The following PARP4 variants were observed in gnomAD, a reference collection of about 807,000 sequenced individuals.
PARP4 encodes the protein protein mono-ADP-ribosyltransferase PARP4.
PARP4 carries 120 observed loss-of-function variants against 187.7 expected under a neutral mutation model. That is an observed-to-expected ratio of 0.64 (90% CI 0.55 to 0.74). The LOEUF (loss-of-function observed/expected upper bound fraction) is 0.74. Ranked by LOEUF, PARP4 falls within the 30% of genes least tolerant of loss-of-function variation. The pLI is 0.00. For synonymous variants in PARP4, 654 were observed against 740.9 expected, an observed-to-expected ratio of 0.88 and a Z score of 1.90; for missense variants, 1,836 against 2,070.5, an observed-to-expected ratio of 0.89 and a Z score of 2.20.
At chr13:24,465,598 C>A (rs2137492161) in intron 17 of PARP4, among the ~76,000 whole-genome samples, 1 of 152,196 alleles carries the variant, frequency 6.6e-6, no homozygotes, top group East Asian at 1.9e-4. Flanking sequence ...GGGAGGGAAA[C>A]AACATACACT....
intron 2 of PARP4, among the ~76,000 whole-genome samples, chr13:24,502,391 A>G (rs1242085071): frequency 6.6e-6 from 1 of 152,244 alleles, no homozygotes; most frequent in African/African-American, 2.4e-5. Flanking sequence ...TCTAAAAAAT[A>G]AAATAATGAC....
chr13:24,469,272 G>A (rs551021056), intron 16 of PARP4, among the ~76,000 whole-genome samples, 162 bp from the exon 17 acceptor site: 2 of 152,272 alleles, frequency 1.3e-5, no homozygotes, highest in Admixed American at 1.3e-4. Flanking sequence ...ATACTTATCT[G>A]ATAAGAACTT....
At chr13:24,462,047 A>G (rs1170773111) in intron 17 of PARP4, among the ~76,000 whole-genome samples, 2 of 152,176 alleles carry the variant, frequency 1.3e-5, no homozygotes, top group Non-Finnish European at 1.5e-5. Context: ...CCACTAAGAT[A>G]GGACAATGAA....
intron 10 of PARP4, 99 bp downstream of exon 10, chr13:24,490,569 G>T: frequency 1.1e-6 from 1 of 936,944 alleles, no homozygotes; most frequent in Non-Finnish European, 1.7e-6. Context: ...GTGGCTTGTT[G>T]CTGAAGATTA....
intron 32 of PARP4, among the ~76,000 whole-genome samples, chr13:24,430,455 C>T (rs1283341621): frequency 6.6e-6 from 1 of 152,008 alleles, no homozygotes; most frequent in Admixed American, 6.6e-5. Flanking sequence ...AAGTTCGAGA[C>T]CACACTGGAC....
At chr13:24,443,557 G>A (rs759364589) in intron 28 of PARP4, 93 bp downstream of exon 28, 75 of 850,652 alleles carry the variant, frequency 8.8e-5, no homozygotes, top group Non-Finnish European at 1.4e-4. Flanking sequence ...CCTTCTCCAC[G>A]CAGCTGACCT....
intron 12 of PARP4, among the ~76,000 whole-genome samples, chr13:24,482,055 C>G (rs142765408): frequency 8.9e-4 from 135 of 152,316 alleles, no homozygotes; most frequent in Non-Finnish European, 1.5e-3. Context: ...AAGAAGTTTA[C>G]TCTAACTATC....
At chr13:24,464,323 A>G (rs1872349225) in intron 17 of PARP4, among the ~76,000 whole-genome samples, 2 of 152,200 alleles carry the variant, frequency 1.3e-5, no homozygotes, top group Non-Finnish European at 2.9e-5. Flanking sequence ...GAACCAAAAA[A>G]GAGCCTGTAG....
chr13:24,486,224 A>G lies in PARP4; in HGVS notation c.1296T>C (p.Asn432=), dbSNP rs7998860. Residue 432 remains asparagine (N), a synonymous_variant, in exon 11 of 34, where the codon AAT becomes AAC. Coordinates refer to ENST00000381989, the MANE Select transcript of PARP4 (RefSeq NM_006437.4). ...GAGAACCATGCAACAAGGGCCTCAC[A>G]TTACCAAGTTTGCTCAAAAACTCTG... ...ETTEFLSKLG[N]VRPLLHGSPV... 3,934 of 1,613,990 alleles carry G rather than the reference A, an allele frequency of 2.4e-3. 86 individuals are homozygous for G. The African/African-American group carries it at 0.044, about 18-fold the overall frequency.
chr13:24,463,259 A>G (rs377390390), intron 17 of PARP4, among the ~76,000 whole-genome samples: 83 of 146,720 alleles, frequency 5.7e-4, no homozygotes, highest in African/African-American at 2.0e-3. Flanking sequence ...GAAAACAAAT[A>G]AACTGTCACC....
intron 15 of PARP4, among the ~76,000 whole-genome samples, chr13:24,470,500 C>A: frequency 6.6e-6 from 1 of 152,070 alleles, no homozygotes; most frequent in East Asian, 1.9e-4. Flanking sequence ...TCTCTGTGTG[C>A]GTTGGTTCTT....
At chr13:24,442,104 G>C in intron 29 of PARP4, 136 bp from the exon 30 acceptor site, 1 of 1,154,692 alleles carries the variant, frequency 8.7e-7, no homozygotes, top group Non-Finnish European at 1.1e-6. Flanking sequence ...TGGGCCACAA[G>C]CGTGAGGGGA....
chr13:24,490,788 G>A lies in PARP4; in HGVS notation c.1094C>T (p.Ser365Phe). The A allele has an allele frequency of 6.2e-7, 1 of 1,614,094 alleles. No individual in the cohort carries two copies. ...DMVNVCETNL[S>F]KPNPPSLAKY... ...GGCCAGGGATGGTGGGTTGGGTTTG[G>A]ACAAATTAGTTTCACAGACATTAAC... Residue 365 changes from serine (S) to phenylalanine (F), a missense_variant, in exon 10 of 34, where the codon TCC (serine) becomes TTC (phenylalanine). By Grantham distance (155) the Ser-to-Phe change is radical (BLOSUM62 -2). Coordinates refer to ENST00000381989, the MANE Select transcript of PARP4 (RefSeq NM_006437.4).
intron 20 of PARP4, among the ~76,000 whole-genome samples, chr13:24,456,742 T>A (rs1044921895): frequency 3.3e-5 from 5 of 151,734 alleles, no homozygotes; most frequent in Non-Finnish European, 7.4e-5. Flanking sequence ...CTACTAAAAA[T>A]ACAAAAAATT....
At chr13:24,510,912 C>T (rs914830832) in intron 1 of PARP4, among the ~76,000 whole-genome samples, 3 of 152,134 alleles carry the variant, frequency 2.0e-5, no homozygotes, top group Admixed American at 6.6e-5. Context: ...TCCTTTCACC[C>T]GGCCTACTTA....
chr13:24,488,079 A>C (rs1421820916), intron 10 of PARP4, among the ~76,000 whole-genome samples: 1 of 152,222 alleles, frequency 6.6e-6, no homozygotes, highest in Non-Finnish European at 1.5e-5. Flanking sequence ...CCTAGGAAGA[A>C]GCCCACTTTA....
intron 25 of PARP4, among the ~76,000 whole-genome samples, chr13:24,448,958 G>A (rs1270930967): frequency 6.6e-6 from 1 of 152,210 alleles, no homozygotes; most frequent in East Asian, 1.9e-4. Flanking sequence ...GTTAGCAGGC[G>A]CTGGGTGTAG....
At chr13:24,500,410 G>C (rs781712856) in intron 3 of PARP4, 28 bp from the exon 4 acceptor site, 5 of 1,462,236 alleles carry the variant, frequency 3.4e-6, no homozygotes, top group Admixed American at 3.7e-5. Context: ...CAGCACACTT[G>C]TTTACTGCCC....
intron 11 of PARP4, among the ~76,000 whole-genome samples, chr13:24,485,510 C>A (rs1873504941): frequency 6.6e-6 from 1 of 152,056 alleles, no homozygotes; most frequent in South Asian, 2.1e-4. Context: ...TTTTTTCTTT[C>A]TTTTCCCCAG....
Sources: gnomAD v4.1 joint callset for allele counts (sites outside exome capture counted in the v4.1 genomes callset) on GRCh38, gnomAD v4.1.1 for gene constraint, MANE v1.5 for transcripts, NCBI Gene and HGNC (gene_info 2026-07-23, HGNC 2026-07-21) for gene names.